The following CNTROB variants were observed in gnomAD, a reference collection of about 807,000 sequenced individuals.
CNTROB encodes the protein centrobin, centriole duplication and spindle assembly protein.
In CNTROB, 82 loss-of-function variants were observed where a neutral mutation model predicts 115.7. The observed-to-expected ratio is 0.71, with a 90% CI of 0.59 to 0.85. The LOEUF is 0.85. Among genes scored for constraint, CNTROB ranks in the 40% least tolerant of loss-of-function variants. The pLI is 0.00. For synonymous variants in CNTROB, 439 were observed against 456.4 expected (o/e 0.96, Z 0.49); for missense variants, 1,014 against 1,144.4 (o/e 0.89, Z 1.64).
At chr17:7,937,869 C>G (rs376862023) in intron 7 of CNTROB, among the ~76,000 whole-genome samples, 18 of 151,910 alleles carry the variant, frequency 1.2e-4, no homozygotes, top group African/African-American at 4.4e-4. Flanking sequence ...GGTTTTGATT[C>G]AGTAGATATA....
Position 7,944,367 on chromosome 17 carries a change from A to G in CNTROB, c.1572-109A>G, listed in dbSNP as rs748326880. 6 of 1,558,404 alleles carry G rather than the reference A, an allele frequency of 3.9e-6. No individual in the cohort carries two copies. The highest frequency in any genetic ancestry group is 5.3e-6 in the Non-Finnish European group (6 of 1,132,798). The stretch of plus-strand genomic sequence containing the variant: ...ATCTGTCCTCCTCTACATGGGCCCC[A>G]GCTCCTTTCAGAATATCAGATGTCC... On this transcript the variant is annotated intron_variant, in intron 11 of 18. Transcript: ENST00000563694. This position sits in a 1 kb window ranked among gnomAD's most constrained non-coding sequence, Gnocchi z 4.0.
rs1243807828 is a variant in CNTROB, at chr17:7,943,986, G to GC, written c.1446-135dup. 1.5e-6 allele frequency: 1 copy of GC among 652,226 alleles called. No individual in the cohort carries two copies. The highest frequency in any genetic ancestry group is 2.7e-6 in the Non-Finnish European group (1 of 364,978). 40.4% of individuals were successfully genotyped at this position (652,226 alleles called of 1,614,324 possible). A position where few individuals can be genotyped will look rare whatever the true frequency, so the allele number is the denominator to read the frequency against. On this transcript the variant is annotated intron_variant, in intron 10 of 18. Transcript: ENST00000563694. The surrounding 1 kb of genome is among the most constrained non-coding windows in gnomAD (Gnocchi z 4.7). ...ATCCTAAGACCCCAGCTTTGTCCTT[G>GC]CCGCTTCCTGTGCCATGGCCAGGCT...
rs201342482 is a variant in CNTROB at position 7,935,090 on chromosome 17, C to A, written c.539C>A (p.Pro180His). 209 of 1,614,074 alleles carry A rather than the reference C, an allele frequency of 1.3e-4. No homozygotes were observed. The highest frequency in any genetic ancestry group is 1.7e-4 in the Non-Finnish European group (206 of 1,180,040). The change falls in exon 4 of 19, where the codon CCC becomes CAC. Residue 180 changes from proline (P) to histidine (H), a missense_variant. Transcript: ENST00000563694. ...TSLRPGPPLN[P>H]PDFQGLRDAL... ...CTTCGGCCAGGGCCTCCACTCAATC[C>A]CCCAGATTTTCAGGGGCTGAGAGAT...
intron 9 of CNTROB, among the ~76,000 whole-genome samples, chr17:7,940,697 A>G (rs140368112): frequency 2.1e-4 from 32 of 152,366 alleles, no homozygotes; most frequent in African/African-American, 7.5e-4. Context: ...CTTCCATAAC[A>G]GCACATGGCC....
At position 7,936,797 on chromosome 17, in the gene CNTROB, AC is replaced by A; in HGVS notation, c.810del (p.Arg271GlufsTer8). 1 of 1,430,642 alleles carries A rather than the reference AC, an allele frequency of 7.0e-7. No homozygotes were observed. Among genetic ancestry groups the A allele is most frequent in the Non-Finnish European group, 9.9e-7 (1 of 1,012,340 alleles). The allele number at this position is 1,430,642 out of a possible 1,614,324, so 88.6% of individuals were successfully genotyped here. ...LQEEHQAAEL[T>X]RSKQQETVTR... ...AGAGGAACACCAGGCAGCAGAGCTC[AC>A]CAGAAGCAAGCAGCAGGAGGTGAGC... On this transcript the variant is annotated frameshift_variant, in exon 6 of 19. Coordinates refer to ENST00000563694, the MANE Select transcript of CNTROB (RefSeq NM_053051.5). LOFTEE classifies it high-confidence loss of function.
At position 7,933,137 on chromosome 17, in the gene CNTROB, G is replaced by C; in HGVS notation, c.58G>C (p.Asp20His). Reference sequence around the variant, plus strand: ...CCTCGGGGCGGAGGATCTCCTGAGTGATTCATCAGAACCCCCTGGGCTCAA... The same window carrying C: ...CCTCGGGGCGGAGGATCTCCTGAGTCATTCATCAGAACCCCCTGGGCTCAA... ...SPLGAEDLLS[D>H]SSEPPGLNQV... Residue 20 changes from aspartate to histidine, a missense_variant, in exon 1 of 19, where the codon GAT (aspartate) becomes CAT (histidine). Coordinates refer to ENST00000563694, the MANE Select transcript of CNTROB (RefSeq NM_053051.5). 6.2e-7 allele frequency: 1 copy of C among 1,614,218 alleles called. No homozygotes were observed. The highest frequency in any genetic ancestry group is 8.5e-7 in the Non-Finnish European group (1 of 1,180,032).
Position 7,945,844 on chromosome 17 carries a change from G to T in CNTROB, c.1851G>T (p.Arg617=), listed in dbSNP as rs1974475856. 1.2e-6 allele frequency: 2 copies of T among 1,614,046 alleles called. No individual in the cohort carries two copies. Among genetic ancestry groups the T allele is most frequent in the Non-Finnish European group, 1.7e-6 (2 of 1,180,034 alleles). ...VALKPVLQQS[R]EARDELPGAP... is the part of the protein sequence containing the mutation. The stretch of plus-strand genomic sequence containing the variant: ...TGAAGCCTGTATTGCAGCAGAGCCG[G>T]GAAGCAAGGGACGAGCTACCTGGAG... The change falls in exon 13 of 19, where the codon CGG becomes CGT. Residue 617 remains arginine, a synonymous_variant. Transcript: ENST00000563694.
rs1974175581 is a variant in CNTROB, at chr17:7,943,613, G to A, written c.1445+89G>A. 7.2e-7 allele frequency: 1 copy of A among 1,392,758 alleles called. No homozygotes were observed. Among genetic ancestry groups the A allele is most frequent in the Admixed American group, 2.2e-5 (1 of 45,766 alleles). 86.3% of individuals were successfully genotyped at this position (1,392,758 alleles called of 1,614,324 possible). On this transcript the variant is annotated intron_variant, in intron 10 of 18. Coordinates refer to ENST00000563694, the MANE Select transcript of CNTROB (RefSeq NM_053051.5). The surrounding 1 kb of genome is among the most constrained non-coding windows in gnomAD (Gnocchi z 4.7). Reference sequence around the variant, plus strand: ...GTGTTCCCTTCAATCCCTTTGCCATGGTCCAGCACTGTGACTCCCAGGGTG... The same window carrying A: ...GTGTTCCCTTCAATCCCTTTGCCATAGTCCAGCACTGTGACTCCCAGGGTG...
chr17:7,947,757 T>G, intron 14 of CNTROB, 35 bp downstream of exon 14: 1 of 1,601,032 alleles, frequency 6.2e-7, no homozygotes, highest in Non-Finnish European at 8.5e-7. Context: ...GCTCACTTTC[T>G]TCTTCCCTTT....
chr17:7,948,403 C>A lies in CNTROB; in HGVS notation c.2380+76C>A. On this transcript the variant is annotated intron_variant, in intron 16 of 18. Coordinates refer to ENST00000563694, the MANE Select transcript of CNTROB (RefSeq NM_053051.5). This position sits in a 1 kb window ranked among gnomAD's most constrained non-coding sequence, Gnocchi z 4.4. ...TGGATCCAGTACAGGCACTTACAGTCCTTCTGAATTCCTGGGGAAATGGGC... is the reference window on the plus strand; with the variant it reads ...TGGATCCAGTACAGGCACTTACAGTACTTCTGAATTCCTGGGGAAATGGGC... 2 of 1,607,280 alleles carry A rather than the reference C, an allele frequency of 1.2e-6. No homozygotes were observed. Among genetic ancestry groups the A allele is most frequent in the South Asian group, 2.2e-5 (2 of 90,884 alleles).
At chr17:7,947,515 A>G in intron 13 of CNTROB, 56 bp from the exon 14 acceptor site, 2 of 1,486,158 alleles carry the variant, frequency 1.3e-6, no homozygotes, top group Admixed American at 2.2e-5. Context: ...ATTTGTGGAG[A>G]AGCCCCTTCC....
At position 7,934,219 on chromosome 17, in the gene CNTROB, T is replaced by G; in HGVS notation, c.352T>G (p.Tyr118Asp). ...GCTCCAAACCTCACGTGATACAGCC[T>G]ATCGTGAGTAAGCCCCTTCCCTAGA... ...TMLQTSRDTA[Y>D]RDPLIPGAGS... The change falls in exon 2 of 19, where the codon TAT (tyrosine) becomes GAT (aspartate). Residue 118 changes from tyrosine (Y) to aspartate (D), a missense_variant. By Grantham distance (160) the Tyr-to-Asp change is radical (BLOSUM62 -3). Transcript: ENST00000563694. 1 of 1,613,628 alleles carries G rather than the reference T, an allele frequency of 6.2e-7. No individual in the cohort carries two copies. Among genetic ancestry groups the G allele is most frequent in the South Asian group, 1.1e-5 (1 of 91,074 alleles).
At chr17:7,934,636 C>A in intron 3 of CNTROB, 90 bp downstream of exon 3, 1 of 1,166,508 alleles carries the variant, frequency 8.6e-7, no homozygotes, top group Non-Finnish European at 1.3e-6. Context: ...TGCTTTTGTA[C>A]CTCTTAAGAA....
rs1974431323 is a variant in CNTROB, at chr17:7,945,578, CA to C, written c.1735-149del. 3 of 805,180 alleles carry C rather than the reference CA, an allele frequency of 3.7e-6. No individual in the cohort carries two copies. The South Asian group carries it at 5.5e-5, about 15-fold the overall frequency. The allele number at this position is 805,180 out of a possible 1,614,324, so 49.9% of individuals were successfully genotyped here. ...TGTTGCCAAGCCTGGTTCAAACTGCCAGCCTCAAACGGTCCTCCCAAAGTGT... is the reference window on the plus strand; with the variant it reads ...TGTTGCCAAGCCTGGTTCAAACTGCCGCCTCAAACGGTCCTCCCAAAGTGT... On this transcript the variant is annotated intron_variant, in intron 12 of 18. Coordinates refer to ENST00000563694, the MANE Select transcript of CNTROB (RefSeq NM_053051.5).
In CNTROB at chr17:7,945,856, C is replaced by T. The variant is rs763815934; in HGVS notation, c.1863C>T (p.Asp621=). The change falls in exon 13 of 19, where the codon GAC becomes GAT. Residue 621 remains aspartate (D), a synonymous_variant. Coordinates refer to ENST00000563694, the MANE Select transcript of CNTROB (RefSeq NM_053051.5). ...TGCAGCAGAGCCGGGAAGCAAGGGACGAGCTACCTGGAGCGCCTCCTGTTC... is the reference window on the plus strand; with the variant it reads ...TGCAGCAGAGCCGGGAAGCAAGGGATGAGCTACCTGGAGCGCCTCCTGTTC... The part of the protein sequence containing the change: ...PVLQQSREAR[D]ELPGAPPVLC... The T allele has an allele frequency of 2.1e-5, 34 of 1,614,088 alleles. No homozygotes were observed. The highest frequency in any genetic ancestry group is 1.6e-4 in the Middle Eastern group (1 of 6,082).
At chr17:7,940,623 TATTA>T (rs58198081) in intron 9 of CNTROB, among the ~76,000 whole-genome samples, 72,334 of 151,648 alleles carry the variant, frequency 0.48, 17,767 homozygotes, top group East Asian at 0.76. Context: ...GAATAACTTG[TATTA>T]ATTTCTCTGA....
chr17:7,932,135 T>G, upstream of CNTROB: 1 of 422,500 alleles, frequency 2.4e-6, no homozygotes, highest in Non-Finnish European at 4.3e-6. Flanking sequence ...GATACAGAAG[T>G]GATGTGAGTG....
In CNTROB at chr17:7,935,230, G is replaced by A. The variant is rs540421727; in HGVS notation, c.594+85G>A. 1.3e-5 allele frequency: 20 copies of A among 1,594,446 alleles called. No individual in the cohort carries two copies. The East Asian group carries it at 1.3e-4, about 11-fold the overall frequency. On this transcript the variant is annotated intron_variant, in intron 4 of 18. Transcript: ENST00000563694. Reference sequence around the variant, plus strand: ...TTGAAAAGGGCTGAGGGGGCCTGGCGTGGTGGCTCACGCCTGTAATCACAG... The same window carrying A: ...TTGAAAAGGGCTGAGGGGGCCTGGCATGGTGGCTCACGCCTGTAATCACAG...
Position 7,944,708 on chromosome 17 carries a change from C to T in CNTROB, c.1734+70C>T. The stretch of plus-strand genomic sequence containing the variant: ...TTTATTTTTATTTTTGAGACAGGGT[C>T]TCACTCTTGCCCAGGCTGGAGTGTA... On this transcript the variant is annotated intron_variant, in intron 12 of 18. Coordinates refer to ENST00000563694, the MANE Select transcript of CNTROB (RefSeq NM_053051.5). The surrounding 1 kb of genome is among the most constrained non-coding windows in gnomAD (Gnocchi z 4.0). 1.3e-6 allele frequency: 2 copies of T among 1,528,692 alleles called. No homozygotes were observed. Among genetic ancestry groups the T allele is most frequent in the South Asian group, 1.2e-5 (1 of 80,328 alleles). 94.7% of individuals were successfully genotyped at this position (1,528,692 alleles called of 1,614,324 possible).
Sources: allele counts gnomAD v4.1 joint callset (sites outside exome capture counted in the v4.1 genomes callset), GRCh38; gene constraint gnomAD v4.1.1; non-coding constraint Gnocchi (gnomAD v3.1); transcripts MANE v1.5; gene names NCBI Gene and HGNC (gene_info 2026-07-23, HGNC 2026-07-21).